PRKD2: variants seen among roughly 807,000 people sequenced by gnomAD.
PRKD2 encodes the protein protein kinase D2, also known as serine/threonine-protein kinase D2.
In PRKD2, 22 loss-of-function variants were observed where a neutral mutation model predicts 86.0. The observed-to-expected ratio is 0.26, with a 90% CI of 0.18 to 0.37. The LOEUF (loss-of-function observed/expected upper bound fraction) is 0.37. PRKD2 is among the 10% of genes least tolerant of loss of function. PRKD2 has a pLI of 1.00. For synonymous variants in PRKD2, 509 were observed against 510.9 expected, an observed-to-expected ratio of 1.00 and a Z score of 0.05; for missense variants, 818 against 1,199.2, an observed-to-expected ratio of 0.68 and a Z score of 4.70.
At chr19:46,681,246 G>A (rs112138687) in intron 15 of PRKD2, among the ~76,000 whole-genome samples, 4,970 of 146,124 alleles carry the variant, frequency 0.034, 150 homozygotes, top group Middle Eastern at 0.056. Flanking sequence ...GTGAGCCACC[G>A]CACCCAGTCT....
chr19:46,690,171 C>T (rs1444009037), intron 13 of PRKD2, among the ~76,000 whole-genome samples: 1 of 152,156 alleles, frequency 6.6e-6, no homozygotes, highest in Non-Finnish European at 1.5e-5. Context: ...TCACATTCTC[C>T]AGTCCTATCC....
chr19:46,674,853 C>T, intron 17 of PRKD2, 118 bp from the exon 18 acceptor site: 1 of 1,238,618 alleles, frequency 8.1e-7, no homozygotes, highest in East Asian at 2.5e-5. Flanking sequence ...CCTCTGCAAC[C>T]CACCCAGCCA....
intron 5 of PRKD2, among the ~76,000 whole-genome samples, chr19:46,701,437 A>G (rs752543516): frequency 1.1e-4 from 16 of 151,610 alleles, no homozygotes; most frequent in Non-Finnish European, 1.8e-4. Flanking sequence ...CCTGCCCTAC[A>G]TGGTAAAACC....
intron 9 of PRKD2, among the ~76,000 whole-genome samples, chr19:46,694,876 G>A (rs937898250): frequency 2.6e-5 from 4 of 151,672 alleles, no homozygotes; most frequent in Non-Finnish European, 5.9e-5. Context: ...TTCAAGACCA[G>A]CCTGGGCAAC....
At chr19:46,681,969 T>C (rs751748034) in intron 14 of PRKD2, among the ~76,000 whole-genome samples, 13 of 151,776 alleles carry the variant, frequency 8.6e-5, no homozygotes, top group Non-Finnish European at 1.6e-4. Context: ...GCCTCCCAAG[T>C]AGCTGGGACT....
intron 14 of PRKD2, among the ~76,000 whole-genome samples, chr19:46,684,695 T>G (rs1159826855): frequency 6.6e-6 from 1 of 152,152 alleles, no homozygotes; most frequent in Non-Finnish European, 1.5e-5. Context: ...CCGGGCACGG[T>G]GGCTTACGCC....
At chr19:46,702,325 C>T (rs1448195725) in intron 5 of PRKD2, among the ~76,000 whole-genome samples, 1 of 152,060 alleles carries the variant, frequency 6.6e-6, no homozygotes, top group East Asian at 1.9e-4. Context: ...CAGGTGTGAG[C>T]TACTGCCCCT....
At chr19:46,698,134 C>A (rs1026033654) in intron 7 of PRKD2, among the ~76,000 whole-genome samples, 4 of 151,924 alleles carry the variant, frequency 2.6e-5, no homozygotes, top group African/African-American at 9.7e-5. Flanking sequence ...CCTGAGTGGC[C>A]GGGACAATCA....
chr19:46,680,924 C>CTATATATA (rs1159306440), intron 15 of PRKD2, among the ~76,000 whole-genome samples: 4 of 72,442 alleles, frequency 5.5e-5, no homozygotes, highest in African/African-American at 1.4e-4. Context: ...TTGGGATAAA[C>CTATATATA]TATATATATA....
chr19:46,698,349 C>T (rs925248206), intron 7 of PRKD2, among the ~76,000 whole-genome samples: 2 of 152,154 alleles, frequency 1.3e-5, no homozygotes, highest in African/African-American at 2.4e-5. Flanking sequence ...TGAGCCACCA[C>T]GCTGGCCCAG....
In PRKD2 at chr19:46,716,254, C is replaced by T; in HGVS notation, c.117G>A (p.Pro39=). 1 of 1,602,504 alleles carries T rather than the reference C, an allele frequency of 6.2e-7. No individual in the cohort carries two copies. Among genetic ancestry groups the T allele is most frequent in the Non-Finnish European group, 8.5e-7 (1 of 1,175,144 alleles). ...GAAAGGAGACCCCGGAACCCGGGGC[C>T]GGGATCTGGGGCAGTAGCGGTGGCG... is the stretch of plus-strand genomic sequence containing the variant. The part of the protein sequence containing the change: ...QSPPPLLPQI[P]APGSGVSFHI... Residue 39 remains proline, a synonymous_variant, in exon 1 of 18, where the codon CCG becomes CCA. Transcript: ENST00000291281. The surrounding 1 kb of genome is among the most constrained non-coding windows in gnomAD (Gnocchi z 7.9).
intron 13 of PRKD2, 82 bp from the exon 14 acceptor site, chr19:46,689,780 G>A: frequency 5.3e-6 from 8 of 1,495,840 alleles, no homozygotes; most frequent in Non-Finnish European, 7.3e-6. Flanking sequence ...GCAGGAGGAT[G>A]ACAAACAAGG....
At chr19:46,701,980 G>A (rs1301405459) in intron 5 of PRKD2, among the ~76,000 whole-genome samples, 5 of 150,994 alleles carry the variant, frequency 3.3e-5, no homozygotes, top group African/African-American at 9.7e-5. Flanking sequence ...ACTATACATC[G>A]AAGATTCTAG....
chr19:46,679,529 A>G (rs1039686672), intron 15 of PRKD2, among the ~76,000 whole-genome samples: 11 of 152,182 alleles, frequency 7.2e-5, no homozygotes, highest in Non-Finnish European at 1.5e-4. Flanking sequence ...GGGGTTGTTG[A>G]TAGCAGCCTC....
At chr19:46,689,858 A>G in intron 13 of PRKD2, 160 bp from the exon 14 acceptor site, 1 of 729,138 alleles carries the variant, frequency 1.4e-6, no homozygotes, top group Non-Finnish European at 2.2e-6. Flanking sequence ...AAGACAGAAC[A>G]GGCCCACCTC....
At chr19:46,692,134 A>C in intron 10 of PRKD2, 149 bp from the exon 11 acceptor site, 2 of 738,678 alleles carry the variant, frequency 2.7e-6, no homozygotes, top group East Asian at 5.3e-5. Flanking sequence ...TGACTTGTCC[A>C]CTACGAACCT....
At position 46,704,321 on chromosome 19, in the gene PRKD2, T is replaced by C; in HGVS notation, c.737A>G (p.Tyr246Cys). The change falls in exon 5 of 18, where the codon TAT (tyrosine) becomes TGT (cysteine). Residue 246 changes from tyrosine to cysteine, a missense_variant. Around this residue, in one of 5 missense-constraint regions of PRKD2, gnomAD observed 403 missense variants for 518.6 expected, o/e 0.78. Transcript: ENST00000291281. The part of the protein sequence containing the change: ...SSSSSSSASS[Y>C]TGRPIELDKM... ...GTCCAGCTCAATGGGGCGGCCCGTA[T>C]ACGATGAGGCAGAAGAGGAGGAAGA... 6.2e-7 allele frequency: 1 copy of C among 1,614,104 alleles called. No individual in the cohort carries two copies. The highest frequency in any genetic ancestry group is 8.5e-7 in the Non-Finnish European group (1 of 1,180,014).
rs1555826536 is a variant in PRKD2, at chr19:46,680,947, T to TATATATA, written c.2070+702_2070+703insTATATAT. ...AACTATATATATATATATATATATA[T>TATATATA]TTTTTTTTTTTTTTTTGAGACAGAG... On this transcript the variant is annotated intron_variant, in intron 15 of 17. Transcript: ENST00000291281. 8.4e-4 allele frequency among the ~76,000 whole-genome samples: 28 copies of TATATATA among 33,234 alleles called. 1 individual carries two copies. In the East Asian group the frequency reaches 0.018, roughly 22 times the overall value. The allele number at this position is 33,234 out of a possible 152,430, so 21.8% of individuals were successfully genotyped here.
At chr19:46,687,384 CCT>C (rs2053416240) in intron 14 of PRKD2, among the ~76,000 whole-genome samples, 1 of 147,336 alleles carries the variant, frequency 6.8e-6, no homozygotes, top group Non-Finnish European at 1.5e-5. Flanking sequence ...AGAGCGAGAC[CCT>C]GTCTCAAAAA....
Sources: gnomAD v4.1 joint callset for allele counts (sites outside exome capture counted in the v4.1 genomes callset) on GRCh38, gnomAD v4.1.1 for gene constraint, gnomAD v4.1.1 regional missense constraint, Gnocchi (gnomAD v3.1) non-coding constraint, MANE v1.5 for transcripts, NCBI Gene and HGNC (gene_info 2026-07-23, HGNC 2026-07-21) for gene names.